Variants in UBR4 observed in about 807,000 individuals in gnomAD.
UBR4 encodes the protein E3 ubiquitin-protein ligase UBR4.
In UBR4, 124 loss-of-function variants were observed where a neutral mutation model predicts 575.6. That is an observed-to-expected ratio of 0.22 (90% CI 0.19 to 0.25). The LOEUF is 0.25. Ranked by LOEUF, UBR4 falls within the 10% of genes least tolerant of loss-of-function variation. The pLI is 1.00. For missense variants in UBR4, 4,818 were observed against 6,478.8 expected (o/e 0.74, Z 8.80); for synonymous variants, 2,455 against 2,473.7 (o/e 0.99, Z 0.22).
rs143421580 is a variant in UBR4 at position 19,081,777 on chromosome 1, G to A, written c.15009-204C>T. The A allele has an allele frequency of 7.6e-4, 543 of 715,638 alleles. 3 individuals are homozygous for A. The highest frequency in any genetic ancestry group is 3.9e-3 in the Middle Eastern group (17 of 4,380). The allele number at this position is 715,638 out of a possible 1,614,324, so 44.3% of individuals were successfully genotyped here. ...TTCGTCCCCTTCCAGGCCCTTCTTC[G>A]CGGCATCTTCCCTTCTTCCCTGGCC... On this transcript the variant is annotated intron_variant, in intron 102 of 105. Coordinates refer to ENST00000375254, the MANE Select transcript of UBR4 (RefSeq NM_020765.3).
intron 51 of UBR4, 34 bp from the exon 52 acceptor site, chr1:19,147,034 T>C (rs1271387934): frequency 1.9e-6 from 3 of 1,548,748 alleles, no homozygotes; most frequent in Admixed American, 3.8e-5. Context: ...GGGTCAGCCA[T>C]AAGCAAGAGC....
chr1:19,178,211 A>C (rs369999679), intron 18 of UBR4, among the ~76,000 whole-genome samples: 1 of 152,378 alleles, frequency 6.6e-6, no homozygotes, highest in South Asian at 2.1e-4. Flanking sequence ...TCACTGCATG[A>C]TAATAGTCAA....
rs1047259145 is a variant in UBR4 at position 19,193,342 on chromosome 1, GTTCT to G, written c.1143+87_1143+90del. 4.0e-5 allele frequency: 61 copies of G among 1,532,808 alleles called. No homozygotes were observed. In the African/African-American group the frequency reaches 7.5e-4, roughly 19 times the overall value. 95.0% of individuals were successfully genotyped at this position (1,532,808 alleles called of 1,614,324 possible). A position where few individuals can be genotyped will look rare whatever the true frequency, so the allele number is the denominator to read the frequency against. On this transcript the variant is annotated intron_variant, in intron 9 of 105. Coordinates refer to ENST00000375254, the MANE Select transcript of UBR4 (RefSeq NM_020765.3). ...GAAAGTAGTGTGGAGAATACTCTAAGTTCTTTCTTCTATCATGGAAGAAAGTGGA... is the reference window on the plus strand; with the variant it reads ...GAAAGTAGTGTGGAGAATACTCTAAGTTCTTCTATCATGGAAGAAAGTGGA...
At chr1:19,169,562 T>A in intron 26 of UBR4, 30 bp from the exon 27 acceptor site, 1 of 1,596,758 alleles carries the variant, frequency 6.3e-7, no homozygotes, top group Non-Finnish European at 8.6e-7. Context: ...CAAGGAATCA[T>A]CACAAGAAAG....
At chr1:19,082,223 A>G in intron 102 of UBR4, 1 of 179,632 alleles carries the variant, frequency 5.6e-6, no homozygotes, top group South Asian at 1.4e-4. Context: ...GATGATGATG[A>G]CCACACCAGA....
At chr1:19,107,563 G>A (rs993107897) in intron 81 of UBR4, among the ~76,000 whole-genome samples, 3 of 152,172 alleles carry the variant, frequency 2.0e-5, no homozygotes, top group African/African-American at 7.2e-5. Flanking sequence ...GACAGATGAT[G>A]CTTTAGTCCA....
Position 19,192,530 on chromosome 1 carries a change from T to C in UBR4, c.1154A>G (p.Tyr385Cys). Residue 385 changes from tyrosine to cysteine, a missense_variant, in exon 10 of 106, where the codon TAT becomes TGT. Physicochemically the swap from Tyr to Cys is radical, Grantham distance 194. Transcript: ENST00000375254. ...GCTGATTGCTTGTCCAATCATGTCA[T>C]AGATTTCGAGCTGTACAATATCAAA... ...ATIVQKCLEI[Y>C]DMIGQAISSS... 2 of 1,614,218 alleles carry C rather than the reference T, an allele frequency of 1.2e-6. No individual in the cohort carries two copies. The highest frequency in any genetic ancestry group is 1.7e-6 in the Non-Finnish European group (2 of 1,180,048).
intron 1 of UBR4, among the ~76,000 whole-genome samples, chr1:19,202,777 G>T (rs2092805779): frequency 6.6e-6 from 1 of 152,136 alleles, no homozygotes; most frequent in African/African-American, 2.4e-5. Flanking sequence ...ATCCACAATT[G>T]ATGAAACATG....
At chr1:19,173,341 G>C (rs951908) in intron 23 of UBR4, 35 bp from the exon 24 acceptor site, 1,010,266 of 1,612,628 alleles carry the variant, frequency 0.63, 320,500 homozygotes, top group East Asian at 0.83. Context: ...TTTAGGAGAT[G>C]ACTATAGGCA....
chr1:19,105,763 C>T lies in UBR4; in HGVS notation c.12473G>A (p.Arg4158His), dbSNP rs766494778. 13 of 1,609,404 alleles carry T rather than the reference C, an allele frequency of 8.1e-6. No homozygotes were observed. The highest frequency in any genetic ancestry group is 6.8e-5 in the Admixed American group (4 of 58,810). The change falls in exon 84 of 106, where the codon CGC (arginine) becomes CAC (histidine). Residue 4158 changes from arginine to histidine, a missense_variant. Transcript: ENST00000375254. ...IVEALATIPS[R>H]KQQVLDLLTS... ...AAGCAGGTCCAGGACCTGCTGCTTG[C>T]GGCTGGGAATGGTGGCTAGAGCTTC...
chr1:19,149,321 A>G (rs1245379132), intron 49 of UBR4, among the ~76,000 whole-genome samples: 4 of 152,340 alleles, frequency 2.6e-5, no homozygotes, highest in Non-Finnish European at 4.4e-5. Context: ...CAGAGAAAGA[A>G]AAGTATTCAG....
rs1373587438 is a variant in UBR4, at chr1:19,081,033, C to T, written c.15233+316G>A. ...GCCAACACCAGCAAGATGTGGAAAA[C>T]CTGATTACTGTTCTTAGCCCTGATC... is the stretch of plus-strand genomic sequence containing the variant. On this transcript the variant is annotated intron_variant, in intron 103 of 105. Transcript: ENST00000375254. The T allele has an allele frequency of 1.3e-5, 3 of 239,788 alleles. No homozygotes were observed. The Admixed American group carries it at 1.5e-4, about 12-fold the overall frequency. 14.9% of individuals were successfully genotyped at this position (239,788 alleles called of 1,614,324 possible).
intron 70 of UBR4, 136 bp from the exon 71 acceptor site, chr1:19,119,093 G>C (rs2080896956): frequency 1.4e-6 from 1 of 733,008 alleles, no homozygotes; most frequent in African/African-American, 1.8e-5. Context: ...TACAAAGCTG[G>C]GCCTAATTTC....
At chr1:19,155,225 GA>G in intron 43 of UBR4, 150 bp from the exon 44 acceptor site, 2 of 1,221,074 alleles carry the variant, frequency 1.6e-6, no homozygotes, top group Non-Finnish European at 2.3e-6. Context: ...AAGACCCTGA[GA>G]AAAATGGAAC....
chr1:19,193,335 A>C, intron 9 of UBR4, 98 bp downstream of exon 9: 1 of 1,508,880 alleles, frequency 6.6e-7, no homozygotes, highest in Non-Finnish European at 9.0e-7. Flanking sequence ...TGTGGAGAAT[A>C]CTCTAAGTTC....
At position 19,172,852 on chromosome 1, in the gene UBR4, A is replaced by T; in HGVS notation, c.3521+12T>A. ...AGTGCATGTGCATCTCTGGGCAGGC[A>T]GTTCGCCACACCTGGTGAACGATGC... is the stretch of plus-strand genomic sequence containing the variant. On this transcript the variant is annotated intron_variant, in intron 25 of 105. Coordinates refer to ENST00000375254, the MANE Select transcript of UBR4 (RefSeq NM_020765.3). 1 of 1,613,230 alleles carries T rather than the reference A, an allele frequency of 6.2e-7. No homozygotes were observed.
chr1:19,155,331 G>A, intron 43 of UBR4, 110 bp downstream of exon 43: 1 of 1,192,508 alleles, frequency 8.4e-7, no homozygotes, highest in Admixed American at 2.6e-5. Context: ...AAAAGATCCA[G>A]TTAGATGAAG....
chr1:19,202,394 T>C (rs1468970813), intron 1 of UBR4, among the ~76,000 whole-genome samples: 5 of 152,212 alleles, frequency 3.3e-5, no homozygotes, highest in Non-Finnish European at 5.9e-5. Flanking sequence ...CTAATATGCC[T>C]TCATTATTGA....
In UBR4 at chr1:19,114,041, G is replaced by A. The variant is rs1269370712; in HGVS notation, c.11232C>T (p.Asp3744=). ...KAVSNINTLL[D]KADRVYHQLM... is the part of the protein sequence containing the mutation. The stretch of plus-strand genomic sequence containing the variant: ...GCTGATGATACACTCGATCAGCTTT[G>A]TCCAAAAGTGTATTGATGTTGGATA... Residue 3744 remains aspartate, a synonymous_variant, in exon 76 of 106, where the codon GAC becomes GAT. Transcript: ENST00000375254. The A allele has an allele frequency of 1.2e-6, 2 of 1,613,992 alleles. No individual in the cohort carries two copies. Among genetic ancestry groups the A allele is most frequent in the African/African-American group, 1.3e-5 (1 of 74,926 alleles).
Sources: gnomAD v4.1 joint callset for allele counts (sites outside exome capture counted in the v4.1 genomes callset) on GRCh38, gnomAD v4.1.1 for gene constraint, MANE v1.5 for transcripts, NCBI Gene and HGNC (gene_info 2026-07-23, HGNC 2026-07-21) for gene names.